SPTBN4: variants seen among roughly 807,000 people sequenced by gnomAD.
SPTBN4 encodes spectrin beta, non-erythrocytic 4.
A neutral mutation model predicts 277.8 loss-of-function variants in SPTBN4; 96 were observed. That is an observed-to-expected ratio of 0.35 (90% CI 0.29 to 0.41). The LOEUF (loss-of-function observed/expected upper bound fraction) is 0.41. Ranked by LOEUF, SPTBN4 falls within the 10% of genes least tolerant of loss-of-function variation. The pLI is 1.00. For synonymous variants in SPTBN4, 1,481 were observed against 1,580.3 expected (o/e 0.94, Z 1.49); for missense variants, 3,006 against 3,595.7 (o/e 0.84, Z 4.19).
At position 40,568,171 on chromosome 19, in the gene SPTBN4, C is replaced by G. The variant is rs2081115808; in HGVS notation, c.6845C>G (p.Thr2282Ser). 6.3e-7 allele frequency: 1 copy of G among 1,586,924 alleles called. No individual in the cohort carries two copies. The highest frequency in any genetic ancestry group is 8.6e-7 in the Non-Finnish European group (1 of 1,167,284). The change falls in exon 31 of 36, where the codon ACC becomes AGC. Residue 2282 changes from threonine (T) to serine (S), a missense_variant. Around this residue, in one of 5 missense-constraint regions of SPTBN4, gnomAD observed 630 missense variants for 677.6 expected, o/e 0.93. Transcript: ENST00000598249. ...GAGCACGAGGCGGCACACAGCCTTA[C>G]CCTGGGCCGCTATGAGCAGATGGAG... ...SAEHEAAHSL[T>S]LGRYEQMERR...
Position 40,566,212 on chromosome 19 carries a change from G to C in SPTBN4, c.6189G>C (p.Trp2063Cys), listed in dbSNP as rs1297302399. 2 of 1,549,080 alleles carry C rather than the reference G, an allele frequency of 1.3e-6. No homozygotes were observed. The highest frequency in any genetic ancestry group is 1.7e-6 in the Non-Finnish European group (2 of 1,145,530). ...AGGAGGCGGTGGTGGCTGATGCCTG[G>C]CTGACAGCCCAGGAGCCGCTCCTGC... is the stretch of plus-strand genomic sequence containing the variant. Reference protein sequence around the residue: ...FAQEAVVADAWLTAQEPLLQS... With the variant: ...FAQEAVVADACLTAQEPLLQS... Residue 2063 changes from tryptophan to cysteine, a missense_variant, in exon 30 of 36, where the codon TGG (tryptophan) becomes TGC (cysteine). Physicochemically the swap from Trp to Cys is radical, Grantham distance 215. This residue lies in a region of SPTBN4 where 425 missense variants were observed against 594.7 expected (regional missense o/e 0.71). Transcript: ENST00000598249.
intron 13 of SPTBN4, among the ~76,000 whole-genome samples, chr19:40,509,077 G>A (rs1435981620): frequency 6.7e-5 from 8 of 119,670 alleles, no homozygotes; most frequent in African/African-American, 2.6e-4. Flanking sequence ...TATTGTTGTT[G>A]TTTATTGCTT....
intron 26 of SPTBN4, among the ~76,000 whole-genome samples, chr19:40,558,088 G>T (rs764303904): frequency 1.3e-5 from 2 of 152,008 alleles, no homozygotes; most frequent in Non-Finnish European, 2.9e-5. Flanking sequence ...GGCCAGGTGC[G>T]GTGGCTCACG....
intron 2 of SPTBN4, among the ~76,000 whole-genome samples, chr19:40,476,114 G>A (rs536430761): frequency 6.6e-6 from 1 of 152,062 alleles, no homozygotes; most frequent in East Asian, 1.9e-4. Flanking sequence ...GGAGGCCAAG[G>A]TGGGGGGATC....
intron 18 of SPTBN4, among the ~76,000 whole-genome samples, chr19:40,530,141 A>G (rs1212269325): frequency 1.3e-5 from 2 of 152,074 alleles, no homozygotes; most frequent in South Asian, 2.1e-4. Flanking sequence ...TGTGGTGGCC[A>G]GGAGCCCGAG....
At chr19:40,567,620 C>T (rs775264804) in intron 30 of SPTBN4, 43 bp from the exon 31 acceptor site, 10 of 1,419,510 alleles carry the variant, frequency 7.0e-6, no homozygotes, top group Non-Finnish European at 9.2e-6. Context: ...TACCCCGCCC[C>T]GGCCCCACGC....
chr19:40,536,386 T>G (rs1568821140), intron 20 of SPTBN4, among the ~76,000 whole-genome samples: 1 of 151,964 alleles, frequency 6.6e-6, no homozygotes. Flanking sequence ...GCTAATTTTT[T>G]TATTTTTAGT....
rs759812450 is a variant in SPTBN4, at chr19:40,572,088, G to A, written c.7389G>A (p.Pro2463=). Residue 2463 remains proline (P), a synonymous_variant, in exon 34 of 36, where the codon CCG becomes CCA. Coordinates refer to ENST00000598249, the MANE Select transcript of SPTBN4 (RefSeq NM_020971.3). The part of the protein sequence containing the change: ...ELGFYKDSKG[P]ASGSTHGGEP... ...GCTTCTACAAGGACTCCAAGGGCCC[G>A]GCATCCGGGAGCACACACGGTGGGG... 1.2e-5 allele frequency: 20 copies of A among 1,612,866 alleles called. No individual in the cohort carries two copies. The highest frequency in any genetic ancestry group is 5.0e-5 in the Admixed American group (3 of 59,774).
chr19:40,549,449 C>T (rs1178079017), intron 21 of SPTBN4, 36 bp downstream of exon 21: 1 of 9,810 alleles, frequency 1.0e-4, no homozygotes, highest in Non-Finnish European at 1.8e-4. Flanking sequence ...CGGGGCGGGG[C>T]GGGGCGGTGG....
rs1409737447 is a variant in SPTBN4 at position 40,513,502 on chromosome 19, C to G, written c.2713C>G (p.Leu905Val). The change falls in exon 14 of 36, where the codon CTC becomes GTC. Residue 905 changes from leucine to valine, a missense_variant. Transcript: ENST00000598249. ...GATCGGCGAGAAGGAGCAATGGCTGCTCTCCATGCGTGTGCCGGATTCACT... is the reference window on the plus strand; with the variant it reads ...GATCGGCGAGAAGGAGCAATGGCTGGTCTCCATGCGTGTGCCGGATTCACT... ...LWIGEKEQWL[L>V]SMRVPDSLDD... 2 of 1,598,424 alleles carry G rather than the reference C, an allele frequency of 1.3e-6. No homozygotes were observed. Among genetic ancestry groups the G allele is most frequent in the African/African-American group, 1.3e-5 (1 of 74,868 alleles).
At position 40,512,853 on chromosome 19, in the gene SPTBN4, G is replaced by T. The variant is rs900923619; in HGVS notation, c.2064G>T (p.Ala688=). The T allele has an allele frequency of 1.0e-5, 15 of 1,459,206 alleles. No homozygotes were observed. Among genetic ancestry groups the T allele is most frequent in the African/African-American group, 7.5e-5 (5 of 66,766 alleles). 90.4% of individuals were successfully genotyped at this position (1,459,206 alleles called of 1,614,324 possible). The change falls in exon 14 of 36, where the codon GCG becomes GCT. Residue 688 remains alanine (A), a synonymous_variant. Coordinates refer to ENST00000598249, the MANE Select transcript of SPTBN4 (RefSeq NM_020971.3). ...AAGAAGTAGG[A]HDLSSTARLL... Reference sequence around the variant, plus strand: ...GCGCAGCGGGAACAGCGGGCGGCGCGCATGACCTGTCCAGCACAGCGCGCC... The same window carrying T: ...GCGCAGCGGGAACAGCGGGCGGCGCTCATGACCTGTCCAGCACAGCGCGCC...
chr19:40,512,646 G>C lies in SPTBN4; in HGVS notation c.1857G>C (p.Val619=), dbSNP rs766079383. The C allele has an allele frequency of 1.9e-6, 3 of 1,544,334 alleles. No homozygotes were observed. The highest frequency in any genetic ancestry group is 2.6e-6 in the Non-Finnish European group (3 of 1,152,746). Residue 619 remains valine (V), a synonymous_variant, in exon 14 of 36, where the codon GTG becomes GTC. Transcript: ENST00000598249. ...ACCCGCAGGTCATCTGCAACCGCGT[G>C]AACCACGTGCACGGCTGCCTGGCGG... ...PCDPQVICNR[V]NHVHGCLAEL...
intron 4 of SPTBN4, among the ~76,000 whole-genome samples, chr19:40,492,159 G>C (rs1453992872): frequency 6.6e-6 from 1 of 152,164 alleles, no homozygotes; most frequent in Non-Finnish European, 1.5e-5. Flanking sequence ...AAGCAACAAG[G>C]GGCAGGTGGG....
At position 40,513,164 on chromosome 19, in the gene SPTBN4, C is replaced by T; in HGVS notation, c.2375C>T (p.Ala792Val). 1 of 1,501,166 alleles carries T rather than the reference C, an allele frequency of 6.7e-7. No individual in the cohort carries two copies. 93.0% of individuals were successfully genotyped at this position (1,501,166 alleles called of 1,614,324 possible). ...LDGLLDWLRD[A>V]YRLAAAGDFG... Reference sequence around the variant, plus strand: ...GGGCTGCTGGACTGGCTTCGCGACGCTTACCGCCTGGCAGCCGCCGGTGAC... The same window carrying T: ...GGGCTGCTGGACTGGCTTCGCGACGTTTACCGCCTGGCAGCCGCCGGTGAC... The change falls in exon 14 of 36, where the codon GCT becomes GTT. Residue 792 changes from alanine to valine, a missense_variant. Physicochemically the swap from Ala to Val is moderately conservative, Grantham distance 64. This residue lies in a region of SPTBN4 where 1,759 missense variants were observed against 2,061.5 expected (regional missense o/e 0.85). Coordinates refer to ENST00000598249, the MANE Select transcript of SPTBN4 (RefSeq NM_020971.3).
At chr19:40,516,301 ACT>A (rs376036578) in intron 15 of SPTBN4, among the ~76,000 whole-genome samples, 35 of 147,780 alleles carry the variant, frequency 2.4e-4, no homozygotes, top group African/African-American at 5.2e-4. Flanking sequence ...AGAATTCAGA[ACT>A]CTCTCTCTCT....
At chr19:40,546,884 G>C (rs1186465618) in intron 20 of SPTBN4, among the ~76,000 whole-genome samples, 3 of 152,142 alleles carry the variant, frequency 2.0e-5, no homozygotes, top group African/African-American at 7.2e-5. Flanking sequence ...TTGTCTGATG[G>C]TGGTAAGCAC....
chr19:40,478,702 C>T lies in SPTBN4; in HGVS notation c.169+5912C>T, dbSNP rs183868712. 5.9e-5 allele frequency among the ~76,000 whole-genome samples: 9 copies of T among 152,216 alleles called. No homozygotes were observed. In the East Asian group the frequency reaches 7.7e-4, roughly 13 times the overall value. ...TTGGTATTACAGGCGCCCGTCACCA[C>T]GCCCAGCTAATATTTTGTATTTTTA... On this transcript the variant is annotated intron_variant, in intron 2 of 35. Coordinates refer to ENST00000598249, the MANE Select transcript of SPTBN4 (RefSeq NM_020971.3).
At chr19:40,492,052 A>C (rs1167085020) in intron 4 of SPTBN4, among the ~76,000 whole-genome samples, 1 of 151,674 alleles carries the variant, frequency 6.6e-6, no homozygotes, top group Admixed American at 6.6e-5. Flanking sequence ...AAAAAAAAAA[A>C]CAAAGAAAGA....
chr19:40,486,370 A>G (rs2080072409), intron 2 of SPTBN4, among the ~76,000 whole-genome samples: 2 of 149,392 alleles, frequency 1.3e-5, no homozygotes, highest in Non-Finnish European at 3.0e-5. Context: ...TGGTGCAGCA[A>G]CTTTTTTTTT....
Sources: allele counts gnomAD v4.1 joint callset (sites outside exome capture counted in the v4.1 genomes callset), GRCh38; gene constraint gnomAD v4.1.1; regional missense constraint gnomAD v4.1.1; transcripts MANE v1.5; gene names NCBI Gene and HGNC (gene_info 2026-07-23, HGNC 2026-07-21).